Variants in HS1BP3 observed in about 807,000 individuals in gnomAD.
HS1BP3 encodes the protein HCLS1-binding protein 3.
HS1BP3 carries 32 observed loss-of-function variants against 33.5 expected under a neutral mutation model. The ratio of observed to expected loss-of-function variants is 0.95; its 90% CI spans 0.72 to 1.28. HS1BP3 has a LOEUF of 1.28. HS1BP3 is among the 50% of genes most tolerant of loss of function. The pLI is 0.00. For missense variants in HS1BP3, 486 were observed against 502.3 expected (o/e 0.97, Z 0.31); for synonymous variants, 187 against 209.2 (o/e 0.89, Z 0.92).
At chr2:20,576,663 T>C (rs778650944) in intron 5 of HS1BP3, among the ~76,000 whole-genome samples, 4 of 152,134 alleles carry the variant, frequency 2.6e-5, no homozygotes, top group Non-Finnish European at 5.9e-5. Context: ...CCCCCAGAAG[T>C]TCTGAGAGAG....
At chr2:20,650,877 G>A (rs1005818594) in intron 1 of HS1BP3, among the ~76,000 whole-genome samples, 155 bp downstream of exon 1, 2 of 152,160 alleles carry the variant, frequency 1.3e-5, no homozygotes, top group African/African-American at 4.8e-5. Context: ...TCTCCTGCAG[G>A]GCGGTGCAGG....
At chr2:20,625,261 AG>A (rs1694743536) in intron 4 of HS1BP3, among the ~76,000 whole-genome samples, 1 of 152,256 alleles carries the variant, frequency 6.6e-6, no homozygotes, top group African/African-American at 2.4e-5. Flanking sequence ...GACCACTGTC[AG>A]GAGGAGCAGG....
intron 5 of HS1BP3, among the ~76,000 whole-genome samples, chr2:20,561,297 T>TGTGTCTG (rs1249567497): frequency 6.6e-6 from 1 of 152,204 alleles, no homozygotes; most frequent in Non-Finnish European, 1.5e-5. Flanking sequence ...GGGTAGGCAC[T>TGTGTCTG]GTGTCTGGTT....
At chr2:20,640,665 T>G (rs923521963) in intron 3 of HS1BP3, 2 of 552,826 alleles carry the variant, frequency 3.6e-6, no homozygotes, top group Admixed American at 6.1e-5. Flanking sequence ...TGGTGCATGG[T>G]CAGTCGGGGG....
intron 5 of HS1BP3, among the ~76,000 whole-genome samples, chr2:20,624,354 C>T (rs181120304): frequency 2.1e-4 from 32 of 152,254 alleles, no homozygotes; most frequent in African/African-American, 6.3e-4. Flanking sequence ...CACCGGAGGA[C>T]GACCTGGGCA....
At chr2:20,642,519 GCAGCTGTGACTC>G (rs1326332620) in intron 2 of HS1BP3, among the ~76,000 whole-genome samples, 5 of 152,262 alleles carry the variant, frequency 3.3e-5, no homozygotes, top group Non-Finnish European at 7.3e-5. Flanking sequence ...GGCTCCGACA[GCAGCTGTGACTC>G]CAGCCCGGCC....
At chr2:20,575,772 C>G (rs12233098) in intron 5 of HS1BP3, among the ~76,000 whole-genome samples, 29 of 149,380 alleles carry the variant, frequency 1.9e-4, no homozygotes, top group African/African-American at 6.9e-4. Context: ...CCCCCCCCCC[C>G]CCTTCAGGCT....
intron 2 of HS1BP3, among the ~76,000 whole-genome samples, chr2:20,602,144 T>TAGA (rs939336346): frequency 4.0e-5 from 6 of 150,444 alleles, no homozygotes; most frequent in African/African-American, 1.5e-4. Context: ...ATTTATCAGC[T>TAGA]AGAAGAGAGC....
chr2:20,566,709 C>G, intron 5 of HS1BP3, among the ~76,000 whole-genome samples: 1 of 151,990 alleles, frequency 6.6e-6, no homozygotes, highest in Admixed American at 6.6e-5. Flanking sequence ...TGGGCTCAAG[C>G]GATTCTCCTG....
intron 5 of HS1BP3, among the ~76,000 whole-genome samples, chr2:20,580,261 G>A (rs908875207): frequency 4.6e-5 from 7 of 152,262 alleles, no homozygotes; most frequent in African/African-American, 1.7e-4. Context: ...GCTCATGCCT[G>A]TAATCCTAGC....
intron 4 of HS1BP3, chr2:20,636,881 G>A (rs551689669): frequency 2.0e-5 from 3 of 152,308 alleles, no homozygotes; most frequent in East Asian, 3.9e-4. Context: ...AGGTGATAAC[G>A]TTGATTCATC....
chr2:20,565,433 C>T (rs74361057), intron 5 of HS1BP3, among the ~76,000 whole-genome samples: 2,630 of 152,314 alleles, frequency 0.017, 41 homozygotes, highest in South Asian at 0.055. Flanking sequence ...CCCTGTCCCC[C>T]GCCAGACCCT....
At chr2:20,572,820 C>A (rs1295887580) in intron 5 of HS1BP3, among the ~76,000 whole-genome samples, 1 of 152,120 alleles carries the variant, frequency 6.6e-6, no homozygotes, top group African/African-American at 2.4e-5. Flanking sequence ...GACAGGAACA[C>A]AGGTGGCCCC....
chr2:20,574,589 C>T (rs1269408273), intron 5 of HS1BP3, among the ~76,000 whole-genome samples: 1 of 152,168 alleles, frequency 6.6e-6, no homozygotes, highest in Non-Finnish European at 1.5e-5. Flanking sequence ...GGAATGAGTG[C>T]TGCATGGCCA....
chr2:20,618,966 C>T lies in HS1BP3; in HGVS notation c.*21G>A. On this transcript the variant is annotated 3_prime_UTR_variant, in exon 7 of 7. Transcript: ENST00000304031. ...TGTCCCCACAGACAGGCCTGCTGGGCCAGGGGCCAGCATGGAAGGGTCAGA... is the reference window on the plus strand; with the variant it reads ...TGTCCCCACAGACAGGCCTGCTGGGTCAGGGGCCAGCATGGAAGGGTCAGA... The T allele has an allele frequency of 1.2e-6, 2 of 1,604,836 alleles. No individual in the cohort carries two copies. The highest frequency in any genetic ancestry group is 1.7e-6 in the Non-Finnish European group (2 of 1,174,090).
At chr2:20,600,972 G>C (rs2149282820) in intron 2 of HS1BP3, among the ~76,000 whole-genome samples, 1 of 152,284 alleles carries the variant, frequency 6.6e-6, no homozygotes, top group Admixed American at 6.5e-5. Context: ...GTTTCGGAGA[G>C]TTAAACTTTC....
In HS1BP3 at chr2:20,624,699, G is replaced by A. The variant is rs191599555; in HGVS notation, c.784+33C>T. 4.3e-3 allele frequency: 6,626 copies of A among 1,549,686 alleles called. 27 individuals carry two copies. The highest frequency in any genetic ancestry group is 5.2e-3 in the Non-Finnish European group (5,941 of 1,148,354). ...TGGTGATGGGGCTGGGCACCGAGAGGACACCAGGAGCAGACCATGGGGCTC... is the reference window on the plus strand; with the variant it reads ...TGGTGATGGGGCTGGGCACCGAGAGAACACCAGGAGCAGACCATGGGGCTC... On this transcript the variant is annotated intron_variant, in intron 5 of 6. Transcript: ENST00000304031.
At chr2:20,583,107 G>A (rs956560019) in intron 5 of HS1BP3, among the ~76,000 whole-genome samples, 8 of 152,222 alleles carry the variant, frequency 5.3e-5, no homozygotes, top group South Asian at 2.1e-4. Context: ...AAGGAGGGGC[G>A]ATGGAGCAGG....
At chr2:20,590,291 A>C (rs1414730293), downstream of HS1BP3, among the ~76,000 whole-genome samples, 1 of 152,014 alleles carries the variant, frequency 6.6e-6, no homozygotes, top group African/African-American at 2.4e-5. Context: ...GTCAGCTGTG[A>C]GCTCCACCTC....
Sources: gnomAD v4.1 joint callset for allele counts (sites outside exome capture counted in the v4.1 genomes callset) on GRCh38, gnomAD v4.1.1 for gene constraint, MANE v1.5 for transcripts, NCBI Gene and HGNC (gene_info 2026-07-23, HGNC 2026-07-21) for gene names.